The following SMIM35 variants were observed in gnomAD, a reference collection of about 807,000 sequenced individuals.
The protein encoded by SMIM35 is TMPRSS4 antisense RNA 1 (non-protein coding).
intron 1 of SMIM35, among the ~76,000 whole-genome samples, chr11:118,056,914 T>C (rs1265625290): frequency 1.3e-5 from 2 of 150,868 alleles, no homozygotes; most frequent in African/African-American, 4.9e-5. Context: ...CCGAGGGGTG[T>C]AGAGTGGATG....
intron 1 of SMIM35, among the ~76,000 whole-genome samples, chr11:118,048,693 T>C (rs1005790427): frequency 1.3e-5 from 2 of 151,036 alleles, no homozygotes; most frequent in Non-Finnish European, 2.9e-5. Flanking sequence ...TCAGGAATGA[T>C]GCAAAAGTCA....
At chr11:118,019,965 G>A (rs1305950620) in intron 1 of SMIM35, among the ~76,000 whole-genome samples, 1 of 152,074 alleles carries the variant, frequency 6.6e-6, no homozygotes, top group Non-Finnish European at 1.5e-5. Flanking sequence ...AATTACTATG[G>A]TCTCATAATA....
chr11:118,067,789 G>T (rs1206743226), intron 1 of SMIM35, among the ~76,000 whole-genome samples: 1 of 147,348 alleles, frequency 6.8e-6, no homozygotes, highest in African/African-American at 2.5e-5. Flanking sequence ...CCGAGATCAC[G>T]CCATTGCACT....
chr11:118,080,718 A>C lies in SMIM35; in HGVS notation c.7+6033T>G, dbSNP rs74426892. ...ATGGGTAGAGGGAGAGATGAGAAAA[A>C]CAGACCCAAAACAGAGCTGGGGAAC... On this transcript the variant is annotated intron_variant, in intron 1 of 4. Coordinates refer to ENST00000689828, the MANE Select transcript of SMIM35 (RefSeq NM_001394165.1). 8.5e-3 allele frequency among the ~76,000 whole-genome samples: 1,293 copies of C among 152,252 alleles called. 16 individuals carry two copies. The highest frequency in any genetic ancestry group is 0.027 in the African/African-American group (1,125 of 41,544).
At chr11:118,032,977 T>C (rs1245418235) in intron 1 of SMIM35, among the ~76,000 whole-genome samples, 1 of 152,218 alleles carries the variant, frequency 6.6e-6, no homozygotes, top group African/African-American at 2.4e-5. Flanking sequence ...CTGTTTTTCT[T>C]ATTTTTTTAC....
At chr11:118,056,754 C>T (rs1355440302) in intron 1 of SMIM35, among the ~76,000 whole-genome samples, 2 of 152,136 alleles carry the variant, frequency 1.3e-5, no homozygotes, top group Non-Finnish European at 2.9e-5. Context: ...AGGACAATCA[C>T]GGTGTGAGAA....
intron 1 of SMIM35, among the ~76,000 whole-genome samples, chr11:118,049,537 C>T (rs912831986): frequency 5.9e-5 from 9 of 151,458 alleles, no homozygotes; most frequent in East Asian, 1.9e-4. Flanking sequence ...TTAGTAGAGA[C>T]GGGGTTTTGC....
At chr11:118,015,867 C>T (rs1028028950) in intron 1 of SMIM35, 58 bp from the exon 2 acceptor site, 59 of 399,350 alleles carry the variant, frequency 1.5e-4, no homozygotes, top group Middle Eastern at 1.2e-3. Flanking sequence ...CCCACCTGCA[C>T]CACGTTCCAA....
intron 1 of SMIM35, among the ~76,000 whole-genome samples, chr11:118,021,323 AT>A (rs2058229403): frequency 6.6e-6 from 1 of 151,908 alleles, no homozygotes; most frequent in African/African-American, 2.4e-5. Context: ...AGTCTTAGAT[AT>A]TTTTTTCTGG....
At chr11:118,066,953 T>C (rs528930522) in intron 1 of SMIM35, among the ~76,000 whole-genome samples, 112 of 152,190 alleles carry the variant, frequency 7.4e-4, no homozygotes, top group African/African-American at 2.6e-3. Context: ...CCCTTCCGAA[T>C]AGGGGAGCAA....
chr11:118,059,655 C>T (rs1565395044), intron 1 of SMIM35: 1 of 152,186 alleles, frequency 6.6e-6, no homozygotes, highest in Non-Finnish European at 1.5e-5. Context: ...GCCCTGGGGT[C>T]CGTCAGGATC....
At chr11:118,025,604 C>A in intron 1 of SMIM35, 1 of 452,764 alleles carries the variant, frequency 2.2e-6, no homozygotes, top group Non-Finnish European at 4.4e-6. Context: ...TGAGAAGTGT[C>A]TGTTCATGTC....
chr11:118,056,767 G>A (rs564739800), intron 1 of SMIM35, among the ~76,000 whole-genome samples: 2 of 152,172 alleles, frequency 1.3e-5, no homozygotes, highest in Admixed American at 6.5e-5. Flanking sequence ...TGTGAGAAAG[G>A]CTCCAGGAAG....
rs2058121414 is a variant in SMIM35, at chr11:118,006,243, G to A, written c.*167C>T. 6.6e-6 allele frequency: 1 copy of A among 152,262 alleles called. No homozygotes were observed. Among genetic ancestry groups the A allele is most frequent in the African/African-American group, 2.4e-5 (1 of 41,458 alleles). 9.4% of individuals were successfully genotyped at this position (152,262 alleles called of 1,614,324 possible). On this transcript the variant is annotated 3_prime_UTR_variant, in exon 5 of 5. Coordinates refer to ENST00000689828, the MANE Select transcript of SMIM35 (RefSeq NM_001394165.1). ...ATGGCCGGATGGACTGCCGCAGCAAGCTTGTTGGTCTGGAAATGCTCCAAA... is the reference window on the plus strand; with the variant it reads ...ATGGCCGGATGGACTGCCGCAGCAAACTTGTTGGTCTGGAAATGCTCCAAA...
intron 4 of SMIM35, among the ~76,000 whole-genome samples, chr11:118,011,678 C>A (rs756670310): frequency 1.1e-4 from 16 of 152,150 alleles, no homozygotes; most frequent in Non-Finnish European, 2.2e-4. Flanking sequence ...GGCAACAGGG[C>A]AAGACTCCAT....
At chr11:118,060,157 G>A (rs755179479) in intron 1 of SMIM35, among the ~76,000 whole-genome samples, 91 of 152,138 alleles carry the variant, frequency 6.0e-4, no homozygotes, top group Middle Eastern at 3.2e-3. Context: ...CCCTCAAGCC[G>A]TATCTACTCA....
At chr11:118,014,255 G>A (rs546953906) in intron 3 of SMIM35, among the ~76,000 whole-genome samples, 7 of 152,160 alleles carry the variant, frequency 4.6e-5, no homozygotes, top group South Asian at 4.1e-4. Context: ...AAACTAATAC[G>A]GCAGTAGTGG....
intron 2 of SMIM35, among the ~76,000 whole-genome samples, chr11:118,015,405 C>A (rs978436682): frequency 6.6e-6 from 1 of 152,124 alleles, no homozygotes; most frequent in Non-Finnish European, 1.5e-5. Context: ...GCCTTGGGGG[C>A]CCACAGAGAC....
intron 1 of SMIM35, among the ~76,000 whole-genome samples, chr11:118,079,723 GGGGCTTGGCT>G (rs150700918): frequency 6.6e-6 from 1 of 151,650 alleles, no homozygotes; most frequent in African/African-American, 2.4e-5. Context: ...ACAGAGTCAA[GGGGCTTGGCT>G]GGGCTTGGCT....
Sources: allele counts gnomAD v4.1 joint callset (sites outside exome capture counted in the v4.1 genomes callset), GRCh38; gene constraint gnomAD v4.1.1; transcripts MANE v1.5; gene names NCBI Gene and HGNC (gene_info 2026-07-23, HGNC 2026-07-21).